The following PCTP variants were observed in gnomAD, a reference collection of about 807,000 sequenced individuals.
The protein encoded by PCTP is START domain-containing protein 2.
Under a neutral mutation model 31.0 loss-of-function variants are expected in PCTP, and 27 were observed. The ratio of observed to expected loss-of-function variants is 0.87; its 90% confidence interval spans 0.64 to 1.20. The LOEUF is 1.20. Ranked by LOEUF, PCTP falls within the 50% of genes most tolerant of loss-of-function variation. The pLI is 0.00. For synonymous variants in PCTP, 108 were observed against 101.2 expected (o/e 1.07, Z -0.40); for missense variants, 287 against 268.2 (o/e 1.07, Z -0.49).
chr17:55,836,470 A>G lies in PCTP; in HGVS notation n.506-6257A>G, dbSNP rs1905781231. 1.3e-5 allele frequency among the ~76,000 whole-genome samples: 2 copies of G among 152,298 alleles called. 1 individual carries two copies. The highest frequency in any genetic ancestry group is 4.1e-4 in the South Asian group (2 of 4,824). ...GCCTGTGAGGTGAAGGGTCTTCTCT[A>G]TCCTTGCCTTATCTATCTCTTTGAA... On this transcript the variant is annotated intron_variant and non_coding_transcript_variant, in intron 5 of 5. Coordinates refer to the PCTP transcript ENST00000576221.
At chr17:55,780,552 G>C (rs1911526709), downstream of PCTP, among the ~76,000 whole-genome samples, 1 of 152,220 alleles carries the variant, frequency 6.6e-6, no homozygotes, top group Non-Finnish European at 1.5e-5. Flanking sequence ...TCTGCAGACT[G>C]CTATAATTCC....
chr17:55,768,660 A>G (rs773371539), intron 2 of PCTP, among the ~76,000 whole-genome samples: 9 of 152,228 alleles, frequency 5.9e-5, no homozygotes, highest in Non-Finnish European at 8.8e-5. Context: ...TAGTACTAGT[A>G]GTAGTCGAAG....
rs918954949 is a variant in PCTP at position 55,776,336 on chromosome 17, C to T, written c.*236C>T. 6 of 1,356,392 alleles carry T rather than the reference C, an allele frequency of 4.4e-6. No individual in the cohort carries two copies. The highest frequency in any genetic ancestry group is 4.1e-5 in the South Asian group (2 of 49,144). The allele number at this position is 1,356,392 out of a possible 1,614,324, so 84.0% of individuals were successfully genotyped here. A position where few individuals can be genotyped will look rare whatever the true frequency, so the allele number is the denominator to read the frequency against. On this transcript the variant is annotated 3_prime_UTR_variant, in exon 6 of 6. Coordinates refer to ENST00000268896, the MANE Select transcript of PCTP (RefSeq NM_021213.4). ...TCGTCTGCTTCCTTTCTCGCTCCCC[C>T]CATCCTGGGCTGGGCTGCCTTCTTC...
chr17:55,771,723 T>G (rs925296368), intron 3 of PCTP, among the ~76,000 whole-genome samples: 1 of 152,102 alleles, frequency 6.6e-6, no homozygotes, highest in Non-Finnish European at 1.5e-5. Flanking sequence ...CCCCTCAATG[T>G]CCTTGTTTAT....
chr17:55,827,741 CT>C (rs1291418932), downstream of PCTP, among the ~76,000 whole-genome samples: 6 of 152,220 alleles, frequency 3.9e-5, no homozygotes, highest in Non-Finnish European at 8.8e-5. Flanking sequence ...CATTCTGCCT[CT>C]CTGGGAAAAG....
intron 3 of PCTP, among the ~76,000 whole-genome samples, chr17:55,821,258 G>A (rs1043677914): frequency 2.6e-5 from 4 of 152,152 alleles, no homozygotes; most frequent in African/African-American, 7.2e-5. Context: ...AAAACATTAT[G>A]TCAAATGAAA....
intron 3 of PCTP, among the ~76,000 whole-genome samples, chr17:55,793,710 T>A (rs1004666381): frequency 3.3e-5 from 5 of 152,126 alleles, no homozygotes; most frequent in African/African-American, 9.7e-5. Flanking sequence ...AAGGCGGTAG[T>A]CGCTGCTCTC....
intron 3 of PCTP, among the ~76,000 whole-genome samples, chr17:55,793,582 A>G (rs1912080351): frequency 6.6e-6 from 1 of 152,072 alleles, no homozygotes; most frequent in Non-Finnish European, 1.5e-5. Flanking sequence ...GATTATTTAC[A>G]TGATTTCTTC....
chr17:55,782,704 T>C (rs1316620463), intron 2 of PCTP, among the ~76,000 whole-genome samples: 2 of 152,196 alleles, frequency 1.3e-5, no homozygotes, highest in African/African-American at 2.4e-5. Flanking sequence ...TCAGTCATTG[T>C]ACCAGTTGTC....
chr17:55,844,070 A>G (rs185176702), downstream of PCTP, among the ~76,000 whole-genome samples: 3 of 152,230 alleles, frequency 2.0e-5, no homozygotes, highest in Admixed American at 6.5e-5. Context: ...TGGCTTTTCA[A>G]TTCCATTTAC....
downstream of PCTP, among the ~76,000 whole-genome samples, chr17:55,825,371 G>A (rs1413676876): frequency 6.6e-6 from 1 of 152,164 alleles, no homozygotes; most frequent in Admixed American, 6.5e-5. Flanking sequence ...AAATAGAGAA[G>A]CAAAAGAAAA....
intron 1 of PCTP, 59 bp from the exon 2 acceptor site, chr17:55,767,276 A>G (rs1910715230): frequency 1.9e-6 from 2 of 1,054,742 alleles, no homozygotes; most frequent in Non-Finnish European, 2.9e-6. Context: ...ATTATGTGGA[A>G]TGCAGCTTTC....
At chr17:55,760,709 T>C (rs924914244) in intron 1 of PCTP, among the ~76,000 whole-genome samples, 1 of 152,054 alleles carries the variant, frequency 6.6e-6, no homozygotes. Context: ...AGAAGCAGCA[T>C]CTAAAAAAAA....
chr17:55,831,682 T>G (rs1402709171), intron 5 of PCTP, among the ~76,000 whole-genome samples: 1 of 152,146 alleles, frequency 6.6e-6, no homozygotes, highest in African/African-American at 2.4e-5. Context: ...CAACGTCAAG[T>G]TTACTACCTA....
chr17:55,812,544 G>C (rs1367876596), intron 3 of PCTP, among the ~76,000 whole-genome samples: 2 of 152,170 alleles, frequency 1.3e-5, no homozygotes, highest in Non-Finnish European at 2.9e-5. Context: ...AAAGCACCAA[G>C]AGAAAGTGTG....
In PCTP at chr17:55,777,206, G is replaced by A; in HGVS notation, c.*1106G>A. 10 of 985,330 alleles carry A rather than the reference G, an allele frequency of 1.0e-5. No individual in the cohort carries two copies. The highest frequency in any genetic ancestry group is 1.2e-5 in the Non-Finnish European group (10 of 829,554). The allele number at this position is 985,330 out of a possible 1,614,324, so 61.0% of individuals were successfully genotyped here. On this transcript the variant is annotated 3_prime_UTR_variant, in exon 6 of 6. Coordinates refer to ENST00000268896, the MANE Select transcript of PCTP (RefSeq NM_021213.4). ...AAGGCACAGCCTTGATGATCTCAGG[G>A]AAAAATTTTAATCACTGTGTATAAT...
At chr17:55,844,943 C>G (rs1036920119), downstream of PCTP, among the ~76,000 whole-genome samples, 2 of 151,516 alleles carry the variant, frequency 1.3e-5, no homozygotes, top group Non-Finnish European at 2.9e-5. Context: ...AAAAATTAGC[C>G]GGGCTTGGTG....
At chr17:55,828,029 C>G (rs192646000), downstream of PCTP, among the ~76,000 whole-genome samples, 16 of 152,272 alleles carry the variant, frequency 1.1e-4, no homozygotes, top group Non-Finnish European at 1.3e-4. Context: ...TACTGCTTCT[C>G]ACTTGGAAAA....
At chr17:55,762,441 C>G (rs1172154555) in intron 1 of PCTP, among the ~76,000 whole-genome samples, 1 of 151,560 alleles carries the variant, frequency 6.6e-6, no homozygotes, top group Non-Finnish European at 1.5e-5. Flanking sequence ...TTATGAAACA[C>G]AAAAGGTAGG....
Sources: gnomAD v4.1 joint callset for allele counts (sites outside exome capture counted in the v4.1 genomes callset) on GRCh38, gnomAD v4.1.1 for gene constraint, MANE v1.5 for transcripts, NCBI Gene and HGNC (gene_info 2026-07-23, HGNC 2026-07-21) for gene names.